ZNF573: variants seen among roughly 807,000 people sequenced by gnomAD.
The protein encoded by ZNF573 is zinc finger protein 573.
In ZNF573, 41 loss-of-function variants were observed where a neutral mutation model predicts 57.4. That is an observed-to-expected ratio of 0.71 (90% confidence interval 0.56 to 0.93). ZNF573 has a LOEUF of 0.93. ZNF573 is among the 40% of genes least tolerant of loss of function. The pLI is 0.00. For missense variants in ZNF573, 730 were observed against 794.8 expected (o/e 0.92, Z 0.98); for synonymous variants, 249 against 261.0 (o/e 0.95, Z 0.44).
At chr19:37,750,541 C>T (rs946415864) in intron 4 of ZNF573, among the ~76,000 whole-genome samples, 1 of 151,996 alleles carries the variant, frequency 6.6e-6, no homozygotes, top group Non-Finnish European at 1.5e-5. Flanking sequence ...TAGTCAAGTA[C>T]TAGAATTCAA....
intron 4 of ZNF573, among the ~76,000 whole-genome samples, chr19:37,767,146 G>A (rs1487250756): frequency 2.0e-5 from 3 of 152,094 alleles, no homozygotes; most frequent in Admixed American, 6.6e-5. Flanking sequence ...CTGACACCCA[G>A]ATATCTGTAG....
At chr19:37,774,352 GC>G in intron 1 of ZNF573, among the ~76,000 whole-genome samples, 1 of 151,914 alleles carries the variant, frequency 6.6e-6, no homozygotes, top group South Asian at 2.1e-4. Context: ...TGTTGGCGGG[GC>G]TGGTCTTGAA....
chr19:37,773,926 G>A (rs570901094), intron 1 of ZNF573, among the ~76,000 whole-genome samples, 175 bp from the exon 2 acceptor site: 2 of 152,158 alleles, frequency 1.3e-5, no homozygotes, highest in South Asian at 2.1e-4. Flanking sequence ...GCTATACAAA[G>A]GTAGTTTTAG....
intron 4 of ZNF573, among the ~76,000 whole-genome samples, chr19:37,750,935 T>C (rs1183894090): frequency 6.6e-6 from 1 of 151,736 alleles, no homozygotes; most frequent in Non-Finnish European, 1.5e-5. Context: ...CAAAACAATC[T>C]TGAAAGACAA....
At chr19:37,743,334 A>AG (rs2045345908) in intron 4 of ZNF573, among the ~76,000 whole-genome samples, 2 of 151,366 alleles carry the variant, frequency 1.3e-5, no homozygotes, top group Admixed American at 6.6e-5. Context: ...AAAAAAAAAA[A>AG]AAAGAAGAAG....
In ZNF573 at chr19:37,770,832, TTATATATATATATATA is replaced by T. The variant is rs58757674; in HGVS notation, c.202+716_202+731del. Among the ~76,000 whole-genome samples, 73 of 93,736 alleles carry T rather than the reference TTATATATATATATATA, an allele frequency of 7.8e-4. 6 individuals are homozygous for T. In the East Asian group the frequency reaches 0.029, roughly 37 times the overall value. The allele number at this position is 93,736 out of a possible 152,430, so 61.5% of individuals were successfully genotyped here. A position where few individuals can be genotyped will look rare whatever the true frequency, so the allele number is the denominator to read the frequency against. On this transcript the variant is annotated intron_variant, in intron 3 of 4. Coordinates refer to ENST00000536220, the MANE Select transcript of ZNF573 (RefSeq NM_001172690.2). ...ACAGTTCTTTCAGGATTAAGTTATT[TTATATATATATATATA>T]TATATATATATATATATATATATAT...
At chr19:37,761,849 A>G (rs2045556636) in intron 4 of ZNF573, among the ~76,000 whole-genome samples, 1 of 152,236 alleles carries the variant, frequency 6.6e-6, no homozygotes, top group Non-Finnish European at 1.5e-5. Context: ...GTGTCATGAA[A>G]AAGTATGATT....
chr19:37,766,319 CAGAGAAGTGGACCTACCAATCCCCCT>C lies in ZNF573; in HGVS notation c.295+3660_295+3685del, dbSNP rs891009904. ...TTCACTCCCACACTCAGCCTTGAAA[CAGAGAAGTGGACCTACCAATCCCCCT>C]ACAGGTAGCTTACTCTCTCCATAAA... On this transcript the variant is annotated intron_variant, in intron 4 of 4. Coordinates refer to ENST00000536220, the MANE Select transcript of ZNF573 (RefSeq NM_001172690.2). Among the ~76,000 whole-genome samples, 76 of 152,312 alleles carry C rather than the reference CAGAGAAGTGGACCTACCAATCCCCCT, an allele frequency of 5.0e-4. 2 individuals are homozygous for C. The highest frequency in any genetic ancestry group is 1.5e-3 in the African/African-American group (61 of 41,556).
Position 37,738,907 on chromosome 19 carries a change from C to G in ZNF573, c.1583G>C (p.Cys528Ser). 6.2e-7 allele frequency: 1 copy of G among 1,611,126 alleles called. No individual in the cohort carries two copies. The highest frequency in any genetic ancestry group is 1.1e-5 in the South Asian group (1 of 90,842). The stretch of plus-strand genomic sequence containing the variant: ...AGTAAAGGTTTTTCTACATACCTTA[C>G]ATTCATAGGGTTTCATACCAGTATG... ...KIHTGMKPYECKVCRKTFTFY... is the reference protein window; with the variant it reads ...KIHTGMKPYESKVCRKTFTFY... The change falls in exon 5 of 5, where the codon TGT becomes TCT. Residue 528 changes from cysteine (C) to serine (S), a missense_variant. Cys to Ser is a moderately radical substitution (Grantham distance 112). Coordinates refer to ENST00000536220, the MANE Select transcript of ZNF573 (RefSeq NM_001172690.2).
At chr19:37,740,258 G>T (rs1300925976) in intron 4 of ZNF573, 64 bp from the exon 5 acceptor site, 5 of 1,411,130 alleles carry the variant, frequency 3.5e-6, no homozygotes, top group African/African-American at 1.4e-5. Context: ...GAAACTTTAT[G>T]CAACAAAGAA....
chr19:37,738,925 C>T lies in ZNF573; in HGVS notation c.1565G>A (p.Gly522Asp), dbSNP rs778635803. Reference sequence around the variant, plus strand: ...TACCTTACATTCATAGGGTTTCATACCAGTATGAATTTTCTGATGTTGATT... The same window carrying T: ...TACCTTACATTCATAGGGTTTCATATCAGTATGAATTTTCTGATGTTGATT... Reference protein sequence around the residue: ...YLNQHQKIHTGMKPYECKVCR... With the variant: ...YLNQHQKIHTDMKPYECKVCR... Residue 522 changes from glycine (G) to aspartate (D), a missense_variant, in exon 5 of 5, where the codon GGT becomes GAT. Physicochemically the swap from Gly to Asp is moderately conservative, Grantham distance 94 (BLOSUM62 -1). Transcript: ENST00000536220. 2 of 1,610,222 alleles carry T rather than the reference C, an allele frequency of 1.2e-6. No individual in the cohort carries two copies. Among genetic ancestry groups the T allele is most frequent in the Middle Eastern group, 1.7e-4 (1 of 6,054 alleles).
At chr19:37,754,580 T>C (rs1460075410) in intron 4 of ZNF573, among the ~76,000 whole-genome samples, 10 of 148,318 alleles carry the variant, frequency 6.7e-5, no homozygotes, top group Non-Finnish European at 1.5e-4. Flanking sequence ...AAAATTGTCA[T>C]ACAATAAATG....
intron 4 of ZNF573, among the ~76,000 whole-genome samples, chr19:37,749,672 C>T (rs184907965): frequency 1.4e-4 from 22 of 152,176 alleles, no homozygotes; most frequent in African/African-American, 2.4e-4. Context: ...AGAGCCAAAA[C>T]GGCAGATATT....
intron 4 of ZNF573, among the ~76,000 whole-genome samples, chr19:37,749,272 A>G (rs1371640383): frequency 1.3e-5 from 2 of 151,646 alleles, no homozygotes; most frequent in Admixed American, 6.6e-5. Flanking sequence ...CTGTATATAT[A>G]TTATATATTA....
Position 37,754,444 on chromosome 19 carries a change from C to T in ZNF573, c.296-14250G>A, listed in dbSNP as rs998191733. Among the ~76,000 whole-genome samples the T allele has an allele frequency of 8.1e-5, 12 of 148,866 alleles. No individual in the cohort carries two copies. In the South Asian group the frequency reaches 1.5e-3, roughly 19 times the overall value. Reference sequence around the variant, plus strand: ...CTGAGGCAGGAGAATCGCTTGAACCCGGGGGGCAGAGGTTGCAGTGAGCCA... The same window carrying T: ...CTGAGGCAGGAGAATCGCTTGAACCTGGGGGGCAGAGGTTGCAGTGAGCCA... On this transcript the variant is annotated intron_variant, in intron 4 of 4. Transcript: ENST00000536220.
At chr19:37,748,321 CA>C (rs1208291785) in intron 4 of ZNF573, among the ~76,000 whole-genome samples, 1 of 152,046 alleles carries the variant, frequency 6.6e-6, no homozygotes, top group East Asian at 1.9e-4. Flanking sequence ...GAGATGTATA[CA>C]GGAAATCTCT....
intron 4 of ZNF573, among the ~76,000 whole-genome samples, chr19:37,760,608 G>T (rs1353154575): frequency 6.6e-6 from 1 of 151,922 alleles, no homozygotes; most frequent in African/African-American, 2.4e-5. Context: ...CAGATCACAA[G>T]GTCAGGAGTT....
chr19:37,743,381 A>T (rs1489265432), intron 4 of ZNF573, among the ~76,000 whole-genome samples: 2 of 152,072 alleles, frequency 1.3e-5, no homozygotes, highest in Non-Finnish European at 2.9e-5. Flanking sequence ...CATATGAAGA[A>T]AAGCTCAACA....
intron 4 of ZNF573, among the ~76,000 whole-genome samples, chr19:37,754,293 G>A (rs2045466078): frequency 6.6e-6 from 1 of 152,072 alleles, no homozygotes; most frequent in African/African-American, 2.4e-5. Flanking sequence ...AGGCCGAGGT[G>A]GGTGGATCAC....
Sources: allele counts gnomAD v4.1 joint callset (sites outside exome capture counted in the v4.1 genomes callset), GRCh38; gene constraint gnomAD v4.1.1; transcripts MANE v1.5; gene names NCBI Gene and HGNC (gene_info 2026-07-23, HGNC 2026-07-21).